Variants in FSIP1 observed in about 807,000 individuals in gnomAD.
FSIP1 encodes fibrous sheath-interacting protein 1.
FSIP1 carries 65 observed loss-of-function variants against 60.9 expected under a neutral mutation model. The observed-to-expected ratio is 1.07, with a 90% CI of 0.87 to 1.31. The LOEUF is 1.31. FSIP1 is among the 40% of genes most tolerant of loss of function. The pLI is 0.00. For synonymous variants in FSIP1, 209 were observed against 221.2 expected, an observed-to-expected ratio of 0.94 and a Z score of 0.49; for missense variants, 675 against 665.5, an observed-to-expected ratio of 1.01 and a Z score of -0.16.
chr15:39,618,259 C>T lies in FSIP1; in HGVS notation c.1189-14G>A. 6.3e-7 allele frequency: 1 copy of T among 1,580,104 alleles called. No individual in the cohort carries two copies. The highest frequency in any genetic ancestry group is 8.6e-7 in the Non-Finnish European group (1 of 1,160,516). The stretch of plus-strand genomic sequence containing the variant: ...TGTGGACTCTAACTGATGAAACAAA[C>T]CAAAAGATTACATAGTCAGTTGACT... On this transcript the variant is annotated splice_polypyrimidine_tract_variant and intron_variant, in intron 10 of 11. Coordinates refer to ENST00000350221, the MANE Select transcript of FSIP1 (RefSeq NM_152597.5).
At chr15:39,699,819 ACTGT>A (rs1566890919) in intron 10 of FSIP1, among the ~76,000 whole-genome samples, 5 of 152,316 alleles carry the variant, frequency 3.3e-5, no homozygotes, top group South Asian at 2.1e-4. Context: ...AATAAGAACC[ACTGT>A]CTGTTTTTCA....
intron 8 of FSIP1, among the ~76,000 whole-genome samples, chr15:39,735,115 C>A (rs1363466363): frequency 6.6e-6 from 1 of 152,170 alleles, no homozygotes; most frequent in Non-Finnish European, 1.5e-5. Flanking sequence ...AGAATGAAAC[C>A]CAGATCCCTT....
intron 1 of FSIP1, among the ~76,000 whole-genome samples, chr15:39,782,064 C>CT (rs1249705799): frequency 3.3e-5 from 5 of 152,206 alleles, no homozygotes; most frequent in African/African-American, 1.2e-4. Flanking sequence ...TCAAAGAACA[C>CT]TTATGTTTCA....
chr15:39,630,383 T>G (rs1891832032), intron 10 of FSIP1, among the ~76,000 whole-genome samples: 1 of 152,206 alleles, frequency 6.6e-6, no homozygotes, highest in Non-Finnish European at 1.5e-5. Flanking sequence ...CTCTCTTAAA[T>G]GACACATTTA....
chr15:39,691,933 G>A (rs1260051576), intron 10 of FSIP1, among the ~76,000 whole-genome samples: 1 of 152,112 alleles, frequency 6.6e-6, no homozygotes, highest in Admixed American at 6.5e-5. Flanking sequence ...AGCTAGACTA[G>A]CAATTACTCA....
chr15:39,766,053 C>A (rs1379569530), intron 3 of FSIP1, among the ~76,000 whole-genome samples: 1 of 152,182 alleles, frequency 6.6e-6, no homozygotes, highest in Non-Finnish European at 1.5e-5. Context: ...ATCCCAAATT[C>A]TTTCTCCTTC....
intron 10 of FSIP1, among the ~76,000 whole-genome samples, chr15:39,633,185 G>T (rs8026916): frequency 0.18 from 26,820 of 150,022 alleles, 2,904 homozygotes; most frequent in East Asian, 0.32. Flanking sequence ...CCCCCTCCCG[G>T]GTTCAACCAT....
intron 10 of FSIP1, among the ~76,000 whole-genome samples, chr15:39,622,829 A>G (rs147471550): frequency 1.5e-3 from 228 of 152,208 alleles, no homozygotes; most frequent in African/African-American, 5.1e-3. Context: ...ACCACCCTCC[A>G]AGTGTCCTTT....
chr15:39,667,252 G>GT (rs1035253297), intron 10 of FSIP1, among the ~76,000 whole-genome samples: 1 of 147,390 alleles, frequency 6.8e-6, no homozygotes, highest in East Asian at 1.9e-4. Context: ...AGTACCATGA[G>GT]TTTTTTTTAA....
intron 10 of FSIP1, among the ~76,000 whole-genome samples, chr15:39,660,285 G>A (rs996101146): frequency 2.0e-5 from 3 of 152,196 alleles, no homozygotes; most frequent in African/African-American, 7.2e-5. Flanking sequence ...GAGAGAGGAA[G>A]AACAATCTCC....
At chr15:39,696,337 A>T (rs1162902295) in intron 10 of FSIP1, among the ~76,000 whole-genome samples, 3 of 152,206 alleles carry the variant, frequency 2.0e-5, no homozygotes, top group Non-Finnish European at 4.4e-5. Flanking sequence ...AAAGATACAA[A>T]TGGGCAATGC....
intron 9 of FSIP1, among the ~76,000 whole-genome samples, chr15:39,718,743 C>T (rs1424344232): frequency 1.3e-5 from 2 of 152,126 alleles, no homozygotes; most frequent in Non-Finnish European, 2.9e-5. Flanking sequence ...GGGATCCTCC[C>T]GCCTCAGCCT....
chr15:39,763,924 G>T lies in FSIP1; in HGVS notation c.466-10C>A. Reference sequence around the variant, plus strand: ...CACTATATTTTGCAGACTAATGAAAGGAAAATTAAAATTTAAACATGGGAA... The same window carrying T: ...CACTATATTTTGCAGACTAATGAAATGAAAATTAAAATTTAAACATGGGAA... On this transcript the variant is annotated splice_polypyrimidine_tract_variant and intron_variant, in intron 4 of 11. Transcript: ENST00000350221. 1 of 1,442,220 alleles carries T rather than the reference G, an allele frequency of 6.9e-7. No homozygotes were observed. The highest frequency in any genetic ancestry group is 9.6e-7 in the Non-Finnish European group (1 of 1,037,826). 89.3% of individuals were successfully genotyped at this position (1,442,220 alleles called of 1,614,324 possible). A position where few individuals can be genotyped will look rare whatever the true frequency, so the allele number is the denominator to read the frequency against.
intron 11 of FSIP1, among the ~76,000 whole-genome samples, chr15:39,607,386 C>A (rs1157552331): frequency 1.3e-5 from 2 of 152,202 alleles, no homozygotes; most frequent in Non-Finnish European, 2.9e-5. Flanking sequence ...ATAAAGCGAA[C>A]CTCCTTGATC....
intron 2 of FSIP1, among the ~76,000 whole-genome samples, chr15:39,776,134 G>C (rs551347054): frequency 9.0e-4 from 125 of 139,596 alleles, no homozygotes; most frequent in African/African-American, 3.2e-3. Flanking sequence ...AGGTGGGAGG[G>C]AGGGAGGGGA....
At chr15:39,660,471 A>G (rs950750528) in intron 10 of FSIP1, among the ~76,000 whole-genome samples, 4 of 152,242 alleles carry the variant, frequency 2.6e-5, no homozygotes, top group Non-Finnish European at 5.9e-5. Context: ...ATATAAGTCA[A>G]TGGATCAATT....
At chr15:39,739,237 C>T (rs921984927) in intron 7 of FSIP1, among the ~76,000 whole-genome samples, 1 of 152,160 alleles carries the variant, frequency 6.6e-6, no homozygotes, top group Non-Finnish European at 1.5e-5. Context: ...CAGCCCAGCC[C>T]TGCTGCTCTG....
In FSIP1 at chr15:39,617,979, A is replaced by G; in HGVS notation, c.1455T>C (p.Thr485=). ...ECEASKGYYL[T]KALTGHNMSE... Reference sequence around the variant, plus strand: ...ACATGTTATGTCCAGTCAAGGCTTTAGTGAGATAGTAGCCTTTAGAAGCTT... The same window carrying G: ...ACATGTTATGTCCAGTCAAGGCTTTGGTGAGATAGTAGCCTTTAGAAGCTT... Residue 485 remains threonine, a synonymous_variant, in exon 11 of 12, where the codon ACT becomes ACC. Transcript: ENST00000350221. 6.2e-7 allele frequency: 1 copy of G among 1,614,218 alleles called. No homozygotes were observed. Among genetic ancestry groups the G allele is most frequent in the African/African-American group, 1.3e-5 (1 of 75,066 alleles).
intron 6 of FSIP1, among the ~76,000 whole-genome samples, 158 bp from the exon 7 acceptor site, chr15:39,739,947 C>G (rs1896750532): frequency 6.6e-6 from 1 of 152,122 alleles, no homozygotes; most frequent in African/African-American, 2.4e-5. Flanking sequence ...TAATGGAGAT[C>G]TAGTCTTAAA....
Sources: allele counts gnomAD v4.1 joint callset (sites outside exome capture counted in the v4.1 genomes callset), GRCh38; gene constraint gnomAD v4.1.1; transcripts MANE v1.5; gene names NCBI Gene and HGNC (gene_info 2026-07-23, HGNC 2026-07-21).